Variants in GON4L observed in about 807,000 individuals in gnomAD.
GON4L encodes the protein gon-4 like.
GON4L carries 87 observed loss-of-function variants against 211.8 expected under a neutral mutation model. The ratio of observed to expected loss-of-function variants is 0.41; its 90% CI spans 0.35 to 0.49. The LOEUF (loss-of-function observed/expected upper bound fraction) is 0.49, where lower values mean the gene tolerates loss of function less well. Among genes scored for constraint, GON4L ranks in the 20% least tolerant of loss-of-function variants. The pLI is 0.15. For missense variants in GON4L, 2,155 were observed against 2,659.5 expected (o/e 0.81, Z 4.17); for synonymous variants, 875 against 962.6 (o/e 0.91, Z 1.68).
At chr1:155,829,071 G>C (rs1669497838) in intron 2 of GON4L, among the ~76,000 whole-genome samples, 1 of 151,956 alleles carries the variant, frequency 6.6e-6, no homozygotes, top group Non-Finnish European at 1.5e-5. Flanking sequence ...CTTTATACTT[G>C]GGTCTCACTC....
At chr1:155,826,074 G>T (rs1158163157) in intron 3 of GON4L, among the ~76,000 whole-genome samples, 2 of 152,124 alleles carry the variant, frequency 1.3e-5, no homozygotes, top group East Asian at 3.9e-4. Context: ...TTAGCTGGCT[G>T]TGACGGCACG....
intron 28 of GON4L, 62 bp downstream of exon 28, chr1:155,754,313 C>T: frequency 1.0e-6 from 1 of 984,096 alleles, no homozygotes; most frequent in Non-Finnish European, 1.7e-6. Context: ...AGGTACAATT[C>T]TTGGTAGCAA....
intron 11 of GON4L, among the ~76,000 whole-genome samples, chr1:155,796,501 C>G (rs1344881103): frequency 1.3e-5 from 2 of 152,092 alleles, no homozygotes; most frequent in Non-Finnish European, 2.9e-5. Context: ...TGGTCTCGAA[C>G]TCCTGACCTC....
chr1:155,809,072 C>T (rs1300731889), intron 10 of GON4L, among the ~76,000 whole-genome samples: 3 of 152,000 alleles, frequency 2.0e-5, no homozygotes, highest in African/African-American at 7.3e-5. Flanking sequence ...GCCACCACAC[C>T]TATATAATTT....
chr1:155,764,521 CCT>C (rs202025099), intron 21 of GON4L: 11,727 of 303,440 alleles, frequency 0.039, 294 homozygotes, highest in Non-Finnish European at 0.042. Context: ...CTCACTGCAA[CCT>C]CTGTCTCTCG....
chr1:155,771,288 C>T, intron 18 of GON4L, 71 bp from the exon 19 acceptor site: 2 of 1,596,060 alleles, frequency 1.3e-6, no homozygotes, highest in Non-Finnish European at 1.7e-6. Flanking sequence ...CAGACTAACA[C>T]ATTTTACAAT....
At chr1:155,791,872 A>AATAAC (rs200057412) in intron 12 of GON4L, among the ~76,000 whole-genome samples, 2,501 of 119,260 alleles carry the variant, frequency 0.021, 95 homozygotes, top group African/African-American at 0.072. Flanking sequence ...CCATCTCAAA[A>AATAAC]ATAACATAAC....
At chr1:155,746,025 G>A (rs955424541), downstream of GON4L, 1 of 811,454 alleles carries the variant, frequency 1.2e-6, no homozygotes, top group South Asian at 1.6e-5. Context: ...TGGGCCGAGC[G>A]ACCGATTCCA....
intron 2 of GON4L, among the ~76,000 whole-genome samples, chr1:155,841,929 G>A (rs1427631060): frequency 6.6e-6 from 1 of 152,170 alleles, no homozygotes; most frequent in African/African-American, 2.4e-5. Context: ...CTGGGAGCCT[G>A]AGGCAGGAGA....
chr1:155,850,602 GT>G (rs1428784287), intron 2 of GON4L, among the ~76,000 whole-genome samples: 1 of 152,104 alleles, frequency 6.6e-6, no homozygotes, highest in Non-Finnish European at 1.5e-5. Context: ...CACTCCATCA[GT>G]TTTCAAATAC....
intron 1 of GON4L, among the ~76,000 whole-genome samples, chr1:155,854,940 C>T (rs1264017005): frequency 8.6e-5 from 13 of 151,542 alleles, no homozygotes; most frequent in African/African-American, 2.7e-4. Flanking sequence ...GAGGCTGAGG[C>T]AGGACAATCA....
At chr1:155,841,192 A>C (rs912545315) in intron 2 of GON4L, among the ~76,000 whole-genome samples, 3 of 152,238 alleles carry the variant, frequency 2.0e-5, no homozygotes, top group African/African-American at 7.2e-5. Context: ...GTCATTCTCA[A>C]AACTAGGGCA....
At chr1:155,845,088 T>C (rs915695840) in intron 2 of GON4L, among the ~76,000 whole-genome samples, 6 of 151,988 alleles carry the variant, frequency 3.9e-5, no homozygotes, top group African/African-American at 1.2e-4. Context: ...CCCTGTAAGA[T>C]TGAAGGGGAG....
intron 11 of GON4L, among the ~76,000 whole-genome samples, chr1:155,804,070 C>A (rs1279917598): frequency 1.3e-5 from 2 of 152,088 alleles, no homozygotes; most frequent in Non-Finnish European, 2.9e-5. Context: ...ATCACTGAAC[C>A]CTAATGAAAT....
intron 11 of GON4L, among the ~76,000 whole-genome samples, chr1:155,796,283 CTT>C (rs368237326): frequency 2.1e-5 from 3 of 142,890 alleles, no homozygotes; most frequent in African/African-American, 2.6e-5. Flanking sequence ...TTTCTTTTTT[CTT>C]TTTTTTTTTT....
chr1:155,773,164 G>A lies in GON4L; in HGVS notation c.2397C>T (p.Ala799=). 3.1e-6 allele frequency: 5 copies of A among 1,613,972 alleles called. No homozygotes were observed. The highest frequency in any genetic ancestry group is 3.4e-6 in the Non-Finnish European group (4 of 1,179,962). ...CLPKQVAWIL[A]TSKVFMYPEL... ...CTGGATACATGAAAACCTTGCTTGT[G>A]GCCAGAATCCAAGCCACTTGCTTTG... Residue 799 remains alanine, a synonymous_variant, in exon 18 of 32, where the codon GCC becomes GCT. Coordinates refer to ENST00000368331, the MANE Select transcript of GON4L (RefSeq NM_001282860.2).
At chr1:155,810,801 T>TA (rs1237141102) in intron 10 of GON4L, among the ~76,000 whole-genome samples, 10 of 151,664 alleles carry the variant, frequency 6.6e-5, no homozygotes, top group African/African-American at 2.4e-4. Context: ...GTGGATCACC[T>TA]AAGGCCAGTT....
rs370274811 is a variant in GON4L at position 155,813,643 on chromosome 1, A to G, written c.1443T>C (p.Asp481=). ...CAGTTTTAATATTTACCTGGAAAGA[A>G]TCCATGCAGACTGGACTGGAAGCCA... The part of the protein sequence containing the change: ...EELASSPVCM[D]SFQPMDDSLI... Residue 481 remains aspartate, a synonymous_variant, in exon 10 of 32, where the codon GAT becomes GAC. Coordinates refer to ENST00000368331, the MANE Select transcript of GON4L (RefSeq NM_001282860.2). 1.2e-6 allele frequency: 2 copies of G among 1,610,330 alleles called. No individual in the cohort carries two copies. The highest frequency in any genetic ancestry group is 2.2e-5 in the East Asian group (1 of 44,892).
At chr1:155,764,257 T>C (rs992794709) in intron 21 of GON4L, among the ~76,000 whole-genome samples, 1 of 151,768 alleles carries the variant, frequency 6.6e-6, no homozygotes, top group Admixed American at 6.6e-5. Flanking sequence ...TAGCTGGGAT[T>C]ACAGGCATGT....
Sources: allele counts gnomAD v4.1 joint callset (sites outside exome capture counted in the v4.1 genomes callset), GRCh38; gene constraint gnomAD v4.1.1; transcripts MANE v1.5; gene names NCBI Gene and HGNC (gene_info 2026-07-23, HGNC 2026-07-21).